Variants in RFC3 observed in about 807,000 individuals in gnomAD.
The protein encoded by RFC3 is replication factor C subunit 3.
In RFC3, 41 loss-of-function variants were observed where a neutral mutation model predicts 45.1. The ratio of observed to expected loss-of-function variants is 0.91; its 90% CI spans 0.71 to 1.18. The LOEUF (loss-of-function observed/expected upper bound fraction) is 1.18. Ranked by LOEUF, RFC3 falls within the 50% of genes most tolerant of loss-of-function variation. The pLI is 0.00. For synonymous variants in RFC3, 149 were observed against 144.0 expected (o/e 1.03, Z -0.25); for missense variants, 423 against 428.1 (o/e 0.99, Z 0.10).
At chr13:33,916,802 A>G (rs2082736574) in intron 8 of RFC3, among the ~76,000 whole-genome samples, 1 of 150,048 alleles carries the variant, frequency 6.7e-6, no homozygotes, top group Non-Finnish European at 1.5e-5. Flanking sequence ...GCGTATGTAT[A>G]TGTGTGTATA....
the RFC3 span, among the ~76,000 whole-genome samples, chr13:33,974,281 A>C: frequency 6.6e-6 from 1 of 152,230 alleles, no homozygotes; most frequent in South Asian, 2.1e-4. Flanking sequence ...GACTTAAGGC[A>C]AACTGTTGTA....
chr13:33,905,023 T>C (rs2082663735), intron 8 of RFC3, among the ~76,000 whole-genome samples: 1 of 152,164 alleles, frequency 6.6e-6, no homozygotes, highest in Non-Finnish European at 1.5e-5. Context: ...GAGAGAGCTG[T>C]GACCAGAGAG....
At chr13:33,821,297 A>G (rs752607124) in intron 2 of RFC3, 28 bp downstream of exon 2, 23 of 1,609,416 alleles carry the variant, frequency 1.4e-5, no homozygotes, top group Non-Finnish European at 1.6e-5. Context: ...AGGCCCTGAA[A>G]GTAATTTATA....
chr13:33,895,667 C>G (rs59104592), intron 8 of RFC3, among the ~76,000 whole-genome samples: 17,440 of 152,060 alleles, frequency 0.11, 2,051 homozygotes, highest in African/African-American at 0.3. Context: ...TATCTATACA[C>G]AGGGAAAAAG....
intron 8 of RFC3, among the ~76,000 whole-genome samples, chr13:33,931,436 T>G (rs1676011963): frequency 1.3e-5 from 2 of 152,132 alleles, no homozygotes; most frequent in African/African-American, 4.8e-5. Flanking sequence ...GGACAACACC[T>G]TGAGACCACT....
chr13:33,880,661 A>G (rs1247184232), intron 8 of RFC3, among the ~76,000 whole-genome samples: 3 of 152,194 alleles, frequency 2.0e-5, no homozygotes, highest in Non-Finnish European at 4.4e-5. Flanking sequence ...ATTGCACAGC[A>G]CAACTCTAGA....
At chr13:33,899,070 A>G (rs983096556) in intron 8 of RFC3, among the ~76,000 whole-genome samples, 1 of 151,746 alleles carries the variant, frequency 6.6e-6, no homozygotes, top group Non-Finnish European at 1.5e-5. Flanking sequence ...GATTCTACCA[A>G]ACATTTAAAG....
At chr13:33,900,524 G>GA (rs902042075) in intron 8 of RFC3, among the ~76,000 whole-genome samples, 273 of 145,080 alleles carry the variant, frequency 1.9e-3, no homozygotes, top group African/African-American at 5.0e-3. Flanking sequence ...TCACCATATA[G>GA]AAAAAAAAAC....
chr13:33,976,387 T>G, the RFC3 span, among the ~76,000 whole-genome samples: 1 of 151,746 alleles, frequency 6.6e-6, no homozygotes, highest in East Asian at 1.9e-4. Flanking sequence ...AAGCAGAGGG[T>G]AGAATGGGGG....
chr13:33,952,507 T>C (rs1170492839), intron 8 of RFC3, among the ~76,000 whole-genome samples: 1 of 152,220 alleles, frequency 6.6e-6, no homozygotes, highest in Non-Finnish European at 1.5e-5. Context: ...GCAGATGCTG[T>C]AATATCTGTC....
Position 33,925,155 on chromosome 13 carries a change from T to C in RFC3, c.880-40932T>C, listed in dbSNP as rs184843149. On this transcript the variant is annotated intron_variant, in intron 8 of 8. Coordinates refer to the RFC3 transcript ENST00000434425. Reference sequence around the variant, plus strand: ...ATGCATATATAGTGTACTATATACATACACATATAGTGTACTATATACATA... The same window carrying C: ...ATGCATATATAGTGTACTATATACACACACATATAGTGTACTATATACATA... Among the ~76,000 whole-genome samples, 109 of 146,030 alleles carry C rather than the reference T, an allele frequency of 7.5e-4. 1 individual carries two copies. The highest frequency in any genetic ancestry group is 2.1e-3 in the African/African-American group (80 of 38,988).
chr13:33,960,232 A>G (rs527426881), intron 8 of RFC3, among the ~76,000 whole-genome samples: 1 of 152,188 alleles, frequency 6.6e-6, no homozygotes, highest in Admixed American at 6.5e-5. Flanking sequence ...AAACAAAACA[A>G]CCAAAAAACA....
intron 8 of RFC3, among the ~76,000 whole-genome samples, chr13:33,965,613 T>C (rs1232349026): frequency 6.6e-6 from 1 of 152,200 alleles, no homozygotes; most frequent in African/African-American, 2.4e-5. Context: ...AAGATGTCTA[T>C]ATATTATTGT....
At position 33,934,891 on chromosome 13, in the gene RFC3, C is replaced by T. The variant is rs117789657; in HGVS notation, c.880-31196C>T. On this transcript the variant is annotated intron_variant, in intron 8 of 8. Transcript: ENST00000434425. ...AGCCCCATGTCCTATATCCAGTGCT[C>T]TCATGATGGGAACCATCAGCCTGGA... Among the ~76,000 whole-genome samples, 1,320 of 152,190 alleles carry T rather than the reference C, an allele frequency of 8.7e-3. 5 individuals are homozygous for T. Among genetic ancestry groups the T allele is most frequent in the Non-Finnish European group, 0.014 (967 of 68,002 alleles).
At chr13:33,870,135 A>T (rs1043978587) in intron 8 of RFC3, among the ~76,000 whole-genome samples, 1 of 152,236 alleles carries the variant, frequency 6.6e-6, no homozygotes, top group Non-Finnish European at 1.5e-5. Flanking sequence ...GAAAATCCTC[A>T]TAAAATCTGA....
chr13:33,830,509 G>A (rs2082092066), intron 5 of RFC3, among the ~76,000 whole-genome samples: 1 of 152,060 alleles, frequency 6.6e-6, no homozygotes, highest in Non-Finnish European at 1.5e-5. Flanking sequence ...TATCTTTCCA[G>A]CTTTTAATAG....
chr13:33,974,696 G>A, the RFC3 span, among the ~76,000 whole-genome samples: 1 of 152,074 alleles, frequency 6.6e-6, no homozygotes, highest in African/African-American at 2.4e-5. Context: ...AGATGAAAAA[G>A]GCTCAGACTA....
intron 5 of RFC3, 131 bp from the exon 6 acceptor site, chr13:33,830,588 C>A: frequency 1.6e-6 from 1 of 615,198 alleles, no homozygotes; most frequent in Non-Finnish European, 2.6e-6. Context: ...TGGTAAGTTA[C>A]TTTTAGTGTA....
chr13:33,905,939 C>G (rs2082669674), intron 8 of RFC3, among the ~76,000 whole-genome samples: 1 of 152,066 alleles, frequency 6.6e-6, no homozygotes, highest in Non-Finnish European at 1.5e-5. Context: ...CTTCTCTGAA[C>G]TGTTTCTGTG....
Sources: gnomAD v4.1 joint callset for allele counts (sites outside exome capture counted in the v4.1 genomes callset) on GRCh38, gnomAD v4.1.1 for gene constraint, MANE v1.5 for transcripts, NCBI Gene and HGNC (gene_info 2026-07-23, HGNC 2026-07-21) for gene names.